ROBO2: variants seen among roughly 807,000 people sequenced by gnomAD.
ROBO2 encodes the protein roundabout homolog 2.
ROBO2 carries 53 observed loss-of-function variants against 160.8 expected under a neutral mutation model. The observed-to-expected ratio is 0.33, with a 90% confidence interval of 0.26 to 0.41. The LOEUF (loss-of-function observed/expected upper bound fraction) is 0.41, where lower values mean the gene tolerates loss of function less well. Ranked by LOEUF, ROBO2 falls within the 10% of genes least tolerant of loss-of-function variation. ROBO2 has a pLI of 1.00. For missense variants in ROBO2, 1,577 were observed against 1,722.4 expected (o/e 0.92, Z 1.49); for synonymous variants, 664 against 611.7 (o/e 1.09, Z -1.26).
At chr3:77,432,363 C>T (rs542523383) in intron 2 of ROBO2, among the ~76,000 whole-genome samples, 1 of 152,154 alleles carries the variant, frequency 6.6e-6, no homozygotes, top group South Asian at 2.1e-4. Flanking sequence ...AAATTCATTT[C>T]TAAACTATTG....
rs368123164 is a variant in ROBO2 at position 76,789,294 on chromosome 3, C to A, written c.110-308720C>A. ...TTTAAAAAGAACATAGCAATGGCTT[C>A]GTTTTTCCAAGCAGAACAGTACAAA... On this transcript the variant is annotated intron_variant, in intron 2 of 26. Coordinates refer to the ROBO2 transcript ENST00000487694. 1.3e-4 allele frequency among the ~76,000 whole-genome samples: 19 copies of A among 151,528 alleles called. No homozygotes were observed. In the East Asian group the frequency reaches 3.7e-3, roughly 30 times the overall value.
intron 2 of ROBO2, among the ~76,000 whole-genome samples, chr3:76,650,630 A>T (rs1285400763): frequency 2.0e-5 from 3 of 152,100 alleles, no homozygotes; most frequent in African/African-American, 7.2e-5. Flanking sequence ...GGTAGCAGTT[A>T]TTTCCAAGTC....
At chr3:76,143,767 C>G (rs1193707107) in intron 2 of ROBO2, among the ~76,000 whole-genome samples, 1 of 152,010 alleles carries the variant, frequency 6.6e-6, no homozygotes, top group Non-Finnish European at 1.5e-5. Context: ...CTGGGTCACA[C>G]AGTTACTGAG....
At chr3:77,425,507 A>G (rs2153536276) in intron 2 of ROBO2, among the ~76,000 whole-genome samples, 1 of 152,268 alleles carries the variant, frequency 6.6e-6, no homozygotes, top group East Asian at 1.9e-4. Context: ...AGACAGGGAC[A>G]AAGTGCTAAG....
chr3:77,257,988 T>C (rs538191329), intron 2 of ROBO2, among the ~76,000 whole-genome samples: 1 of 152,342 alleles, frequency 6.6e-6, no homozygotes, highest in East Asian at 1.9e-4. Context: ...TTGACTAGAA[T>C]TTGGGGAAAA....
chr3:76,548,127 G>T (rs535374319), intron 2 of ROBO2, among the ~76,000 whole-genome samples: 2 of 152,136 alleles, frequency 1.3e-5, no homozygotes, highest in Non-Finnish European at 2.9e-5. Flanking sequence ...ATGATGTTTG[G>T]ATATTCAGAA....
chr3:76,238,644 A>AG (rs1705104253), intron 2 of ROBO2, among the ~76,000 whole-genome samples: 1 of 151,124 alleles, frequency 6.6e-6, no homozygotes, highest in Admixed American at 6.6e-5. Context: ...CCTAGACATG[A>AG]GGGGATTATG....
intron 2 of ROBO2, among the ~76,000 whole-genome samples, chr3:76,537,406 G>T (rs1442307507): frequency 6.6e-6 from 1 of 152,052 alleles, no homozygotes; most frequent in Non-Finnish European, 1.5e-5. Flanking sequence ...TAAGACGTTT[G>T]GGTTTAAGGT....
intron 2 of ROBO2, among the ~76,000 whole-genome samples, chr3:76,490,130 A>C (rs1197783987): frequency 6.6e-6 from 1 of 152,212 alleles, no homozygotes; most frequent in Non-Finnish European, 1.5e-5. Flanking sequence ...AAAATGTCAC[A>C]GTCTTTTCTA....
At chr3:75,978,324 CA>C (rs774242814) in intron 2 of ROBO2, among the ~76,000 whole-genome samples, 26 of 151,510 alleles carry the variant, frequency 1.7e-4, no homozygotes, top group Non-Finnish European at 3.1e-4. Context: ...AAAGTACTTA[CA>C]ATGCCAAAAT....
At chr3:76,664,775 T>G (rs939073603) in intron 2 of ROBO2, among the ~76,000 whole-genome samples, 1 of 152,090 alleles carries the variant, frequency 6.6e-6, no homozygotes, top group Non-Finnish European at 1.5e-5. Flanking sequence ...TATATTTAGG[T>G]AGTTGAGTTG....
chr3:77,638,156 A>G (rs1012463658), intron 24 of ROBO2, among the ~76,000 whole-genome samples: 1 of 152,220 alleles, frequency 6.6e-6, no homozygotes, highest in Non-Finnish European at 1.5e-5. Flanking sequence ...GCAAATGCAT[A>G]TGCCATAGCA....
chr3:76,434,114 GA>G, intron 2 of ROBO2: 1 of 1,256,636 alleles, frequency 8.0e-7, no homozygotes, highest in Non-Finnish European at 1.2e-6. Flanking sequence ...TGGGTATGGA[GA>G]CAGCTCCATA....
chr3:76,444,522 A>AG (rs1421355254), intron 2 of ROBO2, among the ~76,000 whole-genome samples: 1 of 152,156 alleles, frequency 6.6e-6, no homozygotes. Context: ...TCATGGCAGA[A>AG]GGTGAAGGGA....
chr3:76,393,580 T>G (rs562930837), intron 2 of ROBO2, among the ~76,000 whole-genome samples: 1 of 152,266 alleles, frequency 6.6e-6, no homozygotes, highest in South Asian at 2.1e-4. Context: ...CTCTGTAAAG[T>G]AAAAGATGTT....
At chr3:76,708,201 C>G (rs1405856806) in intron 2 of ROBO2, among the ~76,000 whole-genome samples, 1 of 152,250 alleles carries the variant, frequency 6.6e-6, no homozygotes, top group East Asian at 1.9e-4. Context: ...AATACCCTAG[C>G]ATAGGGAAAT....
intron 2 of ROBO2, among the ~76,000 whole-genome samples, chr3:76,430,700 C>G (rs1336202265): frequency 6.6e-6 from 1 of 151,970 alleles, no homozygotes; most frequent in Non-Finnish European, 1.5e-5. Flanking sequence ...ATGAAAATCT[C>G]TGTAAAAACA....
At chr3:76,467,004 T>C (rs2078399279) in intron 2 of ROBO2, among the ~76,000 whole-genome samples, 1 of 152,064 alleles carries the variant, frequency 6.6e-6, no homozygotes, top group African/African-American at 2.4e-5. Flanking sequence ...TTATAAACTA[T>C]TAATAGTTTC....
intron 2 of ROBO2, among the ~76,000 whole-genome samples, chr3:76,170,873 T>C (rs542626053): frequency 1.0e-3 from 159 of 152,294 alleles, no homozygotes; most frequent in Non-Finnish European, 2.0e-3. Flanking sequence ...GGCGAACAAT[T>C]AGTATGTGGC....
Sources: gnomAD v4.1 joint callset for allele counts (sites outside exome capture counted in the v4.1 genomes callset) on GRCh38, gnomAD v4.1.1 for gene constraint, MANE v1.5 for transcripts, NCBI Gene and HGNC (gene_info 2026-07-23, HGNC 2026-07-21) for gene names.